The following ZSCAN31 variants were observed in gnomAD, a reference collection of about 807,000 sequenced individuals.
The protein encoded by ZSCAN31 is zinc finger and SCAN domain containing 31.
A neutral mutation model predicts 22.5 loss-of-function variants in ZSCAN31; 14 were observed. That is an observed-to-expected ratio of 0.62 (90% CI 0.41 to 0.97). The LOEUF (loss-of-function observed/expected upper bound fraction) is 0.97. ZSCAN31 is among the 50% of genes least tolerant of loss of function. ZSCAN31 has a pLI of 0.00. For synonymous variants in ZSCAN31, 168 were observed against 169.8 expected (o/e 0.99, Z 0.08); for missense variants, 424 against 483.4 (o/e 0.88, Z 1.15).
rs541735673 is a variant in ZSCAN31 at position 28,333,363 on chromosome 6, G to A, written c.-96+2719C>T. 6.6e-6 allele frequency among the ~76,000 whole-genome samples: 1 copy of A among 152,166 alleles called. No individual in the cohort carries two copies. Among genetic ancestry groups the A allele is most frequent in the Non-Finnish European group, 1.5e-5 (1 of 68,026 alleles). On this transcript the variant is annotated intron_variant, in intron 1 of 3. Coordinates refer to ENST00000344279, the MANE Select transcript of ZSCAN31 (RefSeq NM_030899.5). The surrounding 1 kb of genome is among the most constrained non-coding windows in gnomAD (Gnocchi z 4.1). ...CATAACATACCAGGTACTTGGCTGG[G>A]CATTAGGGCTACAATGGTGAAAAAG...
rs1404400836 is a variant in ZSCAN31 at position 28,327,414 on chromosome 6, T to G, written c.501A>C (p.Glu167Asp). The change falls in exon 3 of 4, where the codon GAA becomes GAC. Residue 167 changes from glutamate to aspartate, a missense_variant. Physicochemically the swap from Glu to Asp is conservative, Grantham distance 45. Transcript: ENST00000344279. ...CTTGAAATTGGTGGAGGCAAAAAGA[T>G]TCATATCTGAGCTGTGTCACCATAG... ...LQPMVTQLRY[E>D]SFCLHQFQEQ... 1 of 1,614,066 alleles carries G rather than the reference T, an allele frequency of 6.2e-7. No individual in the cohort carries two copies. The highest frequency in any genetic ancestry group is 8.5e-7 in the Non-Finnish European group (1 of 1,180,000).
intron 1 of ZSCAN31, 46 bp from the exon 2 acceptor site, chr6:28,329,824 G>T: frequency 8.7e-7 from 1 of 1,148,280 alleles, no homozygotes; most frequent in Non-Finnish European, 1.2e-6. Context: ...TCATAAAGTA[G>T]TGGGGAAAAA....
At chr6:28,353,088 C>A (rs554569981) in intron 2 of ZSCAN31, among the ~76,000 whole-genome samples, 1 of 151,878 alleles carries the variant, frequency 6.6e-6, no homozygotes, top group East Asian at 1.9e-4. Flanking sequence ...CCTGCCTCAG[C>A]CTCCCAAGTA....
Position 28,325,389 on chromosome 6 carries a change from G to C in ZSCAN31, c.*777C>G, listed in dbSNP as rs1355274080. 7 of 152,098 alleles carry C rather than the reference G, an allele frequency of 4.6e-5. No individual in the cohort carries two copies. The highest frequency in any genetic ancestry group is 1.4e-4 in the African/African-American group (6 of 41,398). The allele number at this position is 152,098 out of a possible 1,614,324, so 9.4% of individuals were successfully genotyped here. ...AATGGAAAACTTACAGTAATGACCTGCATTGAGAATTTGATATGAATCATC... is the reference window on the plus strand; with the variant it reads ...AATGGAAAACTTACAGTAATGACCTCCATTGAGAATTTGATATGAATCATC... On this transcript the variant is annotated 3_prime_UTR_variant, in exon 4 of 4. Transcript: ENST00000344279.
intron 2 of ZSCAN31, among the ~76,000 whole-genome samples, chr6:28,343,382 G>C (rs910833887): frequency 2.6e-5 from 4 of 151,978 alleles, no homozygotes; most frequent in African/African-American, 9.7e-5. Context: ...ATGAAGGGTG[G>C]TAGACATGAT....
In ZSCAN31 at chr6:28,347,765, CCAAT is replaced by C. The variant is rs10591593; in HGVS notation, c.-370-5977_-370-5974del. Among the ~76,000 whole-genome samples, 38,573 of 151,696 alleles carry C rather than the reference CCAAT, an allele frequency of 0.25. 5,554 individuals carry two copies. The highest frequency in any genetic ancestry group is 0.4 in the African/African-American group (16,361 of 41,246). ...GGGTAAGTACTTTGAAGCTGCTGGG[CCAAT>C]GTGTGTATCATTTTCAGGTTTACCA... is the stretch of plus-strand genomic sequence containing the variant. On this transcript the variant is annotated intron_variant, in intron 2 of 7. Transcript: ENST00000396838. This position sits in a 1 kb window ranked among gnomAD's most constrained non-coding sequence, Gnocchi z 5.2.
intron 3 of ZSCAN31, among the ~76,000 whole-genome samples, 161 bp from the exon 4 acceptor site, chr6:28,327,015 T>TAG (rs1019340758): frequency 6.6e-6 from 1 of 152,116 alleles, no homozygotes; most frequent in Non-Finnish European, 1.5e-5. Context: ...TTTAGGCTAG[T>TAG]AGAGTAAGGG....
At chr6:28,344,759 T>C (rs1251026459) in intron 2 of ZSCAN31, among the ~76,000 whole-genome samples, 1 of 152,160 alleles carries the variant, frequency 6.6e-6, no homozygotes, top group Non-Finnish European at 1.5e-5. Flanking sequence ...CTTAGTTATC[T>C]TTGTGGCTAC....
rs748092582 is a variant in ZSCAN31 at position 28,326,864 on chromosome 6, T to C, written c.533-10A>G. On this transcript the variant is annotated splice_polypyrimidine_tract_variant and intron_variant, in intron 3 of 3. Transcript: ENST00000344279. ...GGTATACTTTCACCATCTGGAATAA[T>C]AAATGGACCAAACAATGTAATCTCT... 3 of 1,594,726 alleles carry C rather than the reference T, an allele frequency of 1.9e-6. No homozygotes were observed. The highest frequency in any genetic ancestry group is 2.6e-6 in the Non-Finnish European group (3 of 1,170,028).
At chr6:28,334,696 T>A (rs1223013495) in intron 1 of ZSCAN31, among the ~76,000 whole-genome samples, 1 of 152,100 alleles carries the variant, frequency 6.6e-6, no homozygotes, top group East Asian at 1.9e-4. Flanking sequence ...AAGAGTAAAA[T>A]TGCCCTAGGT....
In ZSCAN31 at chr6:28,347,711, AT is replaced by A. The variant is rs1764699465; in HGVS notation, c.-370-5920del. Among the ~76,000 whole-genome samples, 3 of 152,164 alleles carry A rather than the reference AT, an allele frequency of 2.0e-5. No homozygotes were observed. Among genetic ancestry groups the A allele is most frequent in the Non-Finnish European group, 4.4e-5 (3 of 68,038 alleles). ...GTCTGGCCTAGACTAGTCAATTAAC[AT>A]TTTTGTTTATGTACAAGAGCTCCTA... On this transcript the variant is annotated intron_variant, in intron 2 of 7. Coordinates refer to the ZSCAN31 transcript ENST00000396838. The surrounding 1 kb of genome is among the most constrained non-coding windows in gnomAD (Gnocchi z 5.2).
rs1158428981 is a variant in ZSCAN31, at chr6:28,327,492, C to G, written c.423G>C (p.Glu141Asp). The G allele has an allele frequency of 6.2e-7, 1 of 1,613,856 alleles. No individual in the cohort carries two copies. Among genetic ancestry groups the G allele is most frequent in the South Asian group, 1.1e-5 (1 of 91,074 alleles). ...GCTTGACCTTCAGATGTTCCACATC[C>G]TCCAAGAGCACTTCAGAATGTCCAT... ...HEHGHSEVLL[E>D]DVEHLKVKQE... The change falls in exon 3 of 4, where the codon GAG becomes GAC. Residue 141 changes from glutamate (E) to aspartate (D), a missense_variant. By Grantham distance (45) the Glu-to-Asp change is conservative (BLOSUM62 2). Transcript: ENST00000344279.
chr6:28,353,990 C>T, intron 1 of ZSCAN31: 1 of 454,444 alleles, frequency 2.2e-6, no homozygotes, highest in Non-Finnish European at 4.4e-6. Flanking sequence ...TCAGCAGCAG[C>T]TGCTGCAGCT....
intron 1 of ZSCAN31, 128 bp downstream of exon 1, chr6:28,335,954 C>T (rs1166090093): frequency 6.6e-6 from 1 of 152,356 alleles, no homozygotes; most frequent in Non-Finnish European, 1.5e-5. Context: ...TCCACGGGGG[C>T]TTCAGGCCAG....
At chr6:28,355,792 C>T (rs1338301087), upstream of ZSCAN31, 1 of 152,308 alleles carries the variant, frequency 6.6e-6, no homozygotes, top group Non-Finnish European at 1.5e-5. Flanking sequence ...CCCACGAAGG[C>T]AAAGTGTTCC....
chr6:28,351,165 T>C lies in ZSCAN31; in HGVS notation c.-371+2697A>G, dbSNP rs891583403. On this transcript the variant is annotated intron_variant, in intron 2 of 7. Coordinates refer to the ZSCAN31 transcript ENST00000396838. This position sits in a 1 kb window ranked among gnomAD's most constrained non-coding sequence, Gnocchi z 4.6. ...TCAGTATATTTACTGATTTGATAAA[T>C]ACTTTGTGTTGGCAACCAATTTCCC... Among the ~76,000 whole-genome samples the C allele has an allele frequency of 5.3e-5, 8 of 152,236 alleles. No homozygotes were observed. The highest frequency in any genetic ancestry group is 7.3e-5 in the Non-Finnish European group (5 of 68,032).
chr6:28,354,566 A>AT (rs1765296243), upstream of ZSCAN31, among the ~76,000 whole-genome samples: 1 of 152,220 alleles, frequency 6.6e-6, no homozygotes, highest in Non-Finnish European at 1.5e-5. Context: ...ATGTATACAT[A>AT]GAGGCTTGAC....
Position 28,327,532 on chromosome 6 carries a change from G to A in ZSCAN31, c.383C>T (p.Ala128Val), listed in dbSNP as rs1272388767. 3.1e-6 allele frequency: 5 copies of A among 1,612,580 alleles called. No homozygotes were observed. In the South Asian group the frequency reaches 4.4e-5, roughly 14 times the overall value. Residue 128 changes from alanine (A) to valine (V), a missense_variant and splice_region_variant, in exon 3 of 4, where the codon GCT becomes GTT. Physicochemically the swap from Ala to Val is moderately conservative, Grantham distance 64. Transcript: ENST00000344279. ...EQELSEPGNQ[A>V]PDHEHGHSEV... ...AGAATGTCCATGTTCATGGTCTGGA[G>A]CCTGAAGGCAGGTAGGCATATTTGG... is the stretch of plus-strand genomic sequence containing the variant.
intron 1 of ZSCAN31, among the ~76,000 whole-genome samples, chr6:28,330,780 G>T (rs1357057310): frequency 6.6e-6 from 1 of 152,154 alleles, no homozygotes; most frequent in Non-Finnish European, 1.5e-5. Context: ...TATAATAGAG[G>T]CCTCACCAGA....
Sources: allele counts gnomAD v4.1 joint callset (sites outside exome capture counted in the v4.1 genomes callset), GRCh38; gene constraint gnomAD v4.1.1; non-coding constraint Gnocchi (gnomAD v3.1); transcripts MANE v1.5; gene names NCBI Gene and HGNC (gene_info 2026-07-23, HGNC 2026-07-21).